CCL21: variants seen among roughly 807,000 people sequenced by gnomAD.
CCL21 encodes C-C motif chemokine 21.
In CCL21, 12 loss-of-function variants were observed where a neutral mutation model predicts 16.4. That is an observed-to-expected ratio of 0.73 (90% confidence interval 0.47 to 1.18). The LOEUF (loss-of-function observed/expected upper bound fraction) is 1.18. CCL21 is among the 50% of genes most tolerant of loss of function. CCL21 has a pLI of 0.00. For synonymous variants in CCL21, 64 were observed against 62.1 expected (o/e 1.03, Z -0.15); for missense variants, 155 against 163.8 (o/e 0.95, Z 0.29).
chr9:34,709,906 T>A lies in CCL21; in HGVS notation c.68-9A>T, dbSNP rs1587270952. 1.2e-6 allele frequency: 2 copies of A among 1,614,020 alleles called. No homozygotes were observed. The highest frequency in any genetic ancestry group is 1.7e-6 in the Non-Finnish European group (2 of 1,179,986). On this transcript the variant is annotated splice_polypyrimidine_tract_variant and intron_variant, in intron 1 of 3. Coordinates refer to ENST00000259607, the MANE Select transcript of CCL21 (RefSeq NM_002989.4). ...AGCCCCTCCATCACTGCCTGCAGGG[T>A]GGGATTCACAGGGAGCCAGGGGCTG...
Position 34,710,056 on chromosome 9 carries a change from G to T in CCL21, c.11C>A (p.Ser4Ter). 6.2e-7 allele frequency: 1 copy of T among 1,613,672 alleles called. No individual in the cohort carries two copies. Among genetic ancestry groups the T allele is most frequent in the South Asian group, 1.1e-5 (1 of 90,978 alleles). Reference sequence around the variant, plus strand: ...CAGGATAAGGAGGCTCAGAGCCAGTGACTGAGCCATGTCTGTGGTAGAGGG... The same window carrying T: ...CAGGATAAGGAGGCTCAGAGCCAGTTACTGAGCCATGTCTGTGGTAGAGGG... The part of the protein sequence containing the change: MAQ[S>*]LALSLLILVL... The change falls in exon 1 of 4, where the codon TCA (serine) becomes TAA (stop). Residue 4 changes from serine to a stop codon, truncating the protein, a stop_gained. Transcript: ENST00000259607. LOFTEE classifies it high-confidence loss of function.
In CCL21 at chr9:34,709,053, A is replaced by AT. The variant is rs1371454033; in HGVS notation, c.*340dup. 4 of 370,506 alleles carry AT rather than the reference A, an allele frequency of 1.1e-5. No individual in the cohort carries two copies. The highest frequency in any genetic ancestry group is 1.9e-5 in the Non-Finnish European group (4 of 205,656). The allele number at this position is 370,506 out of a possible 1,614,324, so 23.0% of individuals were successfully genotyped here. On this transcript the variant is annotated 3_prime_UTR_variant, in exon 4 of 4. Coordinates refer to ENST00000259607, the MANE Select transcript of CCL21 (RefSeq NM_002989.4). ...TTTTATTCAGTTAGGTATAAATCAT[A>AT]TTTACAAGGAAGAGGTGGGGTGTAC...
rs1821949309 is a variant in CCL21, at chr9:34,709,221, T to C, written c.*173A>G. ...CTGTGGGCAGCTCAGCCATGCAGGG[T>C]AGAGCTGGGAATGCAGATGGGGTGG... On this transcript the variant is annotated 3_prime_UTR_variant, in exon 4 of 4. Coordinates refer to ENST00000259607, the MANE Select transcript of CCL21 (RefSeq NM_002989.4). 2.5e-6 allele frequency: 2 copies of C among 797,926 alleles called. No homozygotes were observed. 49.4% of individuals were successfully genotyped at this position (797,926 alleles called of 1,614,324 possible).
intron 3 of CCL21, 29 bp downstream of exon 3, chr9:34,709,471 C>T: frequency 6.2e-7 from 1 of 1,613,810 alleles, no homozygotes; most frequent in Non-Finnish European, 8.5e-7. Context: ...CTGAGGCTCC[C>T]CTTTACCCAC....
In CCL21 at chr9:34,709,270, C is replaced by T; in HGVS notation, c.*124G>A. 5.1e-6 allele frequency: 6 copies of T among 1,177,016 alleles called. No individual in the cohort carries two copies. The highest frequency in any genetic ancestry group is 7.4e-6 in the Non-Finnish European group (6 of 805,396). 72.9% of individuals were successfully genotyped at this position (1,177,016 alleles called of 1,614,324 possible). On this transcript the variant is annotated 3_prime_UTR_variant, in exon 4 of 4. Coordinates refer to ENST00000259607, the MANE Select transcript of CCL21 (RefSeq NM_002989.4). ...GGTTAAAGCAGGAGAAAGAGTGTGG[C>T]AAGGCCAGCATGGGGTGGCTGCTCC...
At chr9:34,709,926 G>A in intron 1 of CCL21, 29 bp from the exon 2 acceptor site, 1 of 1,614,120 alleles carries the variant, frequency 6.2e-7, no homozygotes, top group Non-Finnish European at 8.5e-7. Flanking sequence ...AGGGAGCCAG[G>A]GGCTGCTGGC....
rs1250786009 is a variant in CCL21 at position 34,709,191 on chromosome 9, G to A, written c.*203C>T. On this transcript the variant is annotated 3_prime_UTR_variant, in exon 4 of 4. Transcript: ENST00000259607. ...TCCCTCCTCGGTCTCTCTGGACCTGGCCTGCTGTGGGCAGCTCAGCCATGC... is the reference window on the plus strand; with the variant it reads ...TCCCTCCTCGGTCTCTCTGGACCTGACCTGCTGTGGGCAGCTCAGCCATGC... The A allele has an allele frequency of 1.5e-5, 10 of 654,662 alleles. No homozygotes were observed. Among genetic ancestry groups the A allele is most frequent in the Non-Finnish European group, 2.4e-5 (9 of 377,096 alleles). The allele number at this position is 654,662 out of a possible 1,614,324, so 40.6% of individuals were successfully genotyped here. A position where few individuals can be genotyped will look rare whatever the true frequency, so the allele number is the denominator to read the frequency against.
At position 34,709,186 on chromosome 9, in the gene CCL21, AC is replaced by A. The variant is rs763701949; in HGVS notation, c.*207del. 284 of 641,070 alleles carry A rather than the reference AC, an allele frequency of 4.4e-4. 1 individual carries two copies. Among genetic ancestry groups the A allele is most frequent in the Admixed American group, 1.1e-3 (36 of 34,076 alleles). The allele number at this position is 641,070 out of a possible 1,614,324, so 39.7% of individuals were successfully genotyped here. Reference sequence around the variant, plus strand: ...GACTCTCCCTCCTCGGTCTCTCTGGACCTGGCCTGCTGTGGGCAGCTCAGCC... The same window carrying A: ...GACTCTCCCTCCTCGGTCTCTCTGGACTGGCCTGCTGTGGGCAGCTCAGCC... On this transcript the variant is annotated 3_prime_UTR_variant, in exon 4 of 4. Coordinates refer to ENST00000259607, the MANE Select transcript of CCL21 (RefSeq NM_002989.4).
chr9:34,709,147 C>T lies in CCL21; in HGVS notation c.*247G>A, dbSNP rs765282743. 8 of 582,330 alleles carry T rather than the reference C, an allele frequency of 1.4e-5. No homozygotes were observed. Among genetic ancestry groups the T allele is most frequent in the Non-Finnish European group, 2.1e-5 (7 of 331,838 alleles). 36.1% of individuals were successfully genotyped at this position (582,330 alleles called of 1,614,324 possible). Reference sequence around the variant, plus strand: ...AGGGGACAGTCCTGCTGCCTCCTCTCATGCTCCCTGGGAGACTCTCCCTCC... The same window carrying T: ...AGGGGACAGTCCTGCTGCCTCCTCTTATGCTCCCTGGGAGACTCTCCCTCC... On this transcript the variant is annotated 3_prime_UTR_variant, in exon 4 of 4. Coordinates refer to ENST00000259607, the MANE Select transcript of CCL21 (RefSeq NM_002989.4).
chr9:34,709,131 T>C lies in CCL21; in HGVS notation c.*263A>G. The C allele has an allele frequency of 1.7e-6, 1 of 571,650 alleles. No homozygotes were observed. The highest frequency in any genetic ancestry group is 3.1e-6 in the Non-Finnish European group (1 of 325,644). The allele number at this position is 571,650 out of a possible 1,614,324, so 35.4% of individuals were successfully genotyped here. A position where few individuals can be genotyped will look rare whatever the true frequency, so the allele number is the denominator to read the frequency against. ...TGATGATTCTCCTTCAAGGGGACAG[T>C]CCTGCTGCCTCCTCTCATGCTCCCT... On this transcript the variant is annotated 3_prime_UTR_variant, in exon 4 of 4. Transcript: ENST00000259607.
At position 34,709,484 on chromosome 9, in the gene CCL21, C is replaced by T. The variant is rs1821952919; in HGVS notation, c.371+16G>A. On this transcript the variant is annotated intron_variant, in intron 3 of 3. Coordinates refer to ENST00000259607, the MANE Select transcript of CCL21 (RefSeq NM_002989.4). ...GACTGAGGCTCCCCTTTACCCACAT[C>T]CCTCAGATTCCTCACCTCTTGCAGC... is the stretch of plus-strand genomic sequence containing the variant. 1.9e-6 allele frequency: 3 copies of T among 1,613,874 alleles called. No individual in the cohort carries two copies. The highest frequency in any genetic ancestry group is 2.2e-5 in the East Asian group (1 of 44,868).
In CCL21 at chr9:34,709,588, A is replaced by G; in HGVS notation, c.283T>C (p.Ser95Pro). ...QLMQHLDKTPSPQKPAQGCRK... is the reference protein window; with the variant it reads ...QLMQHLDKTPPPQKPAQGCRK... ...CAGCCCTGGGCTGGTTTCTGTGGGGATGGTGTCTTGTCCAGATGCTGCATC... is the reference window on the plus strand; with the variant it reads ...CAGCCCTGGGCTGGTTTCTGTGGGGGTGGTGTCTTGTCCAGATGCTGCATC... Residue 95 changes from serine (S) to proline (P), a missense_variant, in exon 3 of 4, where the codon TCC becomes CCC. By Grantham distance (74) the Ser-to-Pro change is moderately conservative (BLOSUM62 -1). Coordinates refer to ENST00000259607, the MANE Select transcript of CCL21 (RefSeq NM_002989.4). The G allele has an allele frequency of 6.2e-7, 1 of 1,613,818 alleles. No homozygotes were observed. The highest frequency in any genetic ancestry group is 8.5e-7 in the Non-Finnish European group (1 of 1,179,940).
Position 34,709,181 on chromosome 9 carries a change from T to C in CCL21, c.*213A>G. On this transcript the variant is annotated 3_prime_UTR_variant, in exon 4 of 4. Coordinates refer to ENST00000259607, the MANE Select transcript of CCL21 (RefSeq NM_002989.4). The stretch of plus-strand genomic sequence containing the variant: ...TGGGAGACTCTCCCTCCTCGGTCTC[T>C]CTGGACCTGGCCTGCTGTGGGCAGC... 1.6e-6 allele frequency: 1 copy of C among 633,870 alleles called. No individual in the cohort carries two copies. The highest frequency in any genetic ancestry group is 2.8e-6 in the Non-Finnish European group (1 of 362,900). 39.3% of individuals were successfully genotyped at this position (633,870 alleles called of 1,614,324 possible).
Position 34,709,836 on chromosome 9 carries a change from C to T in CCL21, c.129G>A (p.Lys43=), listed in dbSNP as rs969995486. 2.7e-5 allele frequency: 44 copies of T among 1,614,106 alleles called. No individual in the cohort carries two copies. The East Asian group carries it at 9.1e-4, about 33-fold the overall frequency. Residue 43 remains lysine, a synonymous_variant, in exon 2 of 4, where the codon AAG becomes AAA. Coordinates refer to ENST00000259607, the MANE Select transcript of CCL21 (RefSeq NM_002989.4). ...LKYSQRKIPA[K]VVRSYRKQEP... Reference sequence around the variant, plus strand: ...CCTGCTTCCGGTAGCTGCGGACAACCTTGGCGGGAATCTTCCTTTGGCTGT... The same window carrying T: ...CCTGCTTCCGGTAGCTGCGGACAACTTTGGCGGGAATCTTCCTTTGGCTGT...
At position 34,709,204 on chromosome 9, in the gene CCL21, A is replaced by G; in HGVS notation, c.*190T>C. 2 of 707,438 alleles carry G rather than the reference A, an allele frequency of 2.8e-6. No individual in the cohort carries two copies. The highest frequency in any genetic ancestry group is 4.8e-6 in the Non-Finnish European group (2 of 416,568). 43.8% of individuals were successfully genotyped at this position (707,438 alleles called of 1,614,324 possible). ...TCTCTGGACCTGGCCTGCTGTGGGC[A>G]GCTCAGCCATGCAGGGTAGAGCTGG... On this transcript the variant is annotated 3_prime_UTR_variant, in exon 4 of 4. Transcript: ENST00000259607.
At chr9:34,709,467 C>T (rs1821952593) in intron 3 of CCL21, 33 bp downstream of exon 3, 1 of 1,613,400 alleles carries the variant, frequency 6.2e-7, no homozygotes, top group Non-Finnish European at 8.5e-7. Context: ...CTGACTGAGG[C>T]TCCCCTTTAC....
Position 34,709,009 on chromosome 9 carries a change from G to A in CCL21, c.*385C>T, listed in dbSNP as rs373192306. On this transcript the variant is annotated 3_prime_UTR_variant, in exon 4 of 4. Coordinates refer to ENST00000259607, the MANE Select transcript of CCL21 (RefSeq NM_002989.4). ...TAAACACATGGGAACAGGTACTTGGGTGGGAAGACAGAACAGCTTTTTATT... is the reference window on the plus strand; with the variant it reads ...TAAACACATGGGAACAGGTACTTGGATGGGAAGACAGAACAGCTTTTTATT... 147 of 243,488 alleles carry A rather than the reference G, an allele frequency of 6.0e-4. 1 individual carries two copies. Among genetic ancestry groups the A allele is most frequent in the African/African-American group, 3.2e-3 (139 of 43,778 alleles). The allele number at this position is 243,488 out of a possible 1,614,324, so 15.1% of individuals were successfully genotyped here. A position where few individuals can be genotyped will look rare whatever the true frequency, so the allele number is the denominator to read the frequency against.
rs1183342422 is a variant in CCL21 at position 34,710,131 on chromosome 9, G to T, written c.-65C>A. The T allele has an allele frequency of 1.4e-6, 2 of 1,380,428 alleles. No homozygotes were observed. Among genetic ancestry groups the T allele is most frequent in the Non-Finnish European group, 2.0e-6 (2 of 978,202 alleles). 85.5% of individuals were successfully genotyped at this position (1,380,428 alleles called of 1,614,324 possible). ...TGAGGTGGGCAGCTGCAAGTTGGGG[G>T]TCTGTGCGTGGGCTGGGATTGGCCT... On this transcript the variant is annotated 5_prime_UTR_variant, in exon 1 of 4. Coordinates refer to ENST00000259607, the MANE Select transcript of CCL21 (RefSeq NM_002989.4).
rs1366456226 is a variant in CCL21, at chr9:34,709,872, A to G, written c.93T>C (p.Cys31=). Residue 31 remains cysteine (C), a synonymous_variant, in exon 2 of 4, where the codon TGT becomes TGC. Transcript: ENST00000259607. Reference sequence around the variant, plus strand: ...TCTTCCTTTGGCTGTACTTGAGGCAACAGTCCTGAGCCCCTCCATCACTGC... The same window carrying G: ...TCTTCCTTTGGCTGTACTTGAGGCAGCAGTCCTGAGCCCCTCCATCACTGC... ...TQGSDGGAQD[C]CLKYSQRKIP... The G allele has an allele frequency of 5.0e-6, 8 of 1,614,088 alleles. No individual in the cohort carries two copies. The highest frequency in any genetic ancestry group is 5.9e-6 in the Non-Finnish European group (7 of 1,180,040).
Sources: allele counts gnomAD v4.1 joint callset, GRCh38; gene constraint gnomAD v4.1.1; transcripts MANE v1.5; gene names NCBI Gene and HGNC (gene_info 2026-07-23, HGNC 2026-07-21).